Variants in RPRD1B observed in about 807,000 individuals in gnomAD.
RPRD1B encodes the protein regulation of nuclear pre-mRNA domain-containing protein 1B.
RPRD1B carries 11 observed loss-of-function variants against 41.5 expected under a neutral mutation model. The observed-to-expected ratio is 0.27, with a 90% CI of 0.17 to 0.44. The LOEUF is 0.44. RPRD1B is among the 20% of genes least tolerant of loss of function. RPRD1B has a pLI of 1.00. For synonymous variants in RPRD1B, 158 were observed against 155.6 expected, an observed-to-expected ratio of 1.02 and a Z score of -0.12; for missense variants, 248 against 389.9, an observed-to-expected ratio of 0.64 and a Z score of 3.06.
At chr20:38,077,720 A>G (rs1785367324) in intron 6 of RPRD1B, among the ~76,000 whole-genome samples, 1 of 152,040 alleles carries the variant, frequency 6.6e-6, no homozygotes, top group Non-Finnish European at 1.5e-5. Context: ...TCCCCCCTGG[A>G]TCCTTGCAGT....
At chr20:38,056,871 G>T (rs2074247565) in intron 3 of RPRD1B, among the ~76,000 whole-genome samples, 1 of 152,156 alleles carries the variant, frequency 6.6e-6, no homozygotes, top group South Asian at 2.1e-4. Context: ...GATGCAAAAA[G>T]AATGATTTTG....
intron 3 of RPRD1B, among the ~76,000 whole-genome samples, 155 bp from the exon 4 acceptor site, chr20:38,057,377 T>C (rs1375128496): frequency 1.3e-5 from 2 of 152,212 alleles, no homozygotes; most frequent in South Asian, 2.1e-4. Flanking sequence ...GGAACTACAG[T>C]CAATTTAAAA....
intron 6 of RPRD1B, among the ~76,000 whole-genome samples, chr20:38,080,084 T>C (rs2074499617): frequency 6.6e-6 from 1 of 152,252 alleles, no homozygotes. Flanking sequence ...ACTTGCTTAT[T>C]GACTTAAGTT....
At chr20:38,041,532 A>G (rs766473247) in intron 2 of RPRD1B, among the ~76,000 whole-genome samples, 3 of 152,248 alleles carry the variant, frequency 2.0e-5, no homozygotes, top group Admixed American at 6.5e-5. Context: ...TTTGATCAAC[A>G]TGGGCGCAAG....
chr20:38,064,944 C>A (rs1241087183), intron 5 of RPRD1B, among the ~76,000 whole-genome samples: 1 of 151,440 alleles, frequency 6.6e-6, no homozygotes, highest in Non-Finnish European at 1.5e-5. Flanking sequence ...CGAGATCATG[C>A]CACTGCACTC....
intron 6 of RPRD1B, among the ~76,000 whole-genome samples, chr20:38,086,103 C>T (rs1568664292): frequency 6.6e-6 from 1 of 152,124 alleles, no homozygotes; most frequent in Non-Finnish European, 1.5e-5. Flanking sequence ...GCGTGAACCA[C>T]CTTGTCTAGC....
At chr20:38,068,524 T>G (rs2074380886) in intron 6 of RPRD1B, among the ~76,000 whole-genome samples, 1 of 152,146 alleles carries the variant, frequency 6.6e-6, no homozygotes, top group Admixed American at 6.6e-5. Flanking sequence ...CCTGAGTAGC[T>G]GGGATTATAG....
At chr20:38,087,317 T>C (rs1040101514) in intron 6 of RPRD1B, among the ~76,000 whole-genome samples, 4 of 152,198 alleles carry the variant, frequency 2.6e-5, no homozygotes, top group African/African-American at 9.7e-5. Context: ...TAAGGTGGTG[T>C]CTAATTAGAG....
rs892025757 is a variant in RPRD1B, at chr20:38,070,255, T to C, written c.831+3999T>C. 3.0e-6 allele frequency: 3 copies of C among 985,308 alleles called. No individual in the cohort carries two copies. In the African/African-American group the frequency reaches 5.2e-5, roughly 17 times the overall value. 61.0% of individuals were successfully genotyped at this position (985,308 alleles called of 1,614,324 possible). On this transcript the variant is annotated intron_variant, in intron 6 of 6. Transcript: ENST00000373433. ...CATGATTGACTTTGGCCTATGATGT[T>C]GGCCCTTAAACACCAGGCAAGGGTG...
chr20:38,087,792 G>A (rs1430003755), intron 6 of RPRD1B, among the ~76,000 whole-genome samples: 1 of 152,190 alleles, frequency 6.6e-6, no homozygotes, highest in East Asian at 1.9e-4. Flanking sequence ...CGTGAAAGGT[G>A]ACTGTTAACC....
At chr20:38,035,162 T>C (rs931033280) in intron 1 of RPRD1B, among the ~76,000 whole-genome samples, 1 of 152,196 alleles carries the variant, frequency 6.6e-6, no homozygotes, top group Non-Finnish European at 1.5e-5. Context: ...CAGCAGATTA[T>C]GGTGAGATGA....
At position 38,091,418 on chromosome 20, in the gene RPRD1B, T is replaced by C; in HGVS notation, c.*1543T>C. On this transcript the variant is annotated 3_prime_UTR_variant, in exon 7 of 7. Transcript: ENST00000373433. ...GAGAACAATGAAAAGTCATAGCAGA[T>C]ACTCAGTTTAACTCTGTGTAGAACC... 1.0e-6 allele frequency: 1 copy of C among 985,432 alleles called. No homozygotes were observed. The highest frequency in any genetic ancestry group is 1.2e-6 in the Non-Finnish European group (1 of 829,902). 61.0% of individuals were successfully genotyped at this position (985,432 alleles called of 1,614,324 possible).
intron 3 of RPRD1B, among the ~76,000 whole-genome samples, chr20:38,052,271 A>G (rs1256122664): frequency 6.6e-6 from 1 of 152,198 alleles, no homozygotes; most frequent in Non-Finnish European, 1.5e-5. Context: ...GTTTCTATAT[A>G]TGAACTGGTC....
At position 38,092,159 on chromosome 20, in the gene RPRD1B, C is replaced by T. The variant is rs1568667498; in HGVS notation, c.*2284C>T. The T allele has an allele frequency of 3.0e-6, 3 of 985,646 alleles. No homozygotes were observed. In the South Asian group the frequency reaches 1.4e-4, roughly 46 times the overall value. 61.1% of individuals were successfully genotyped at this position (985,646 alleles called of 1,614,324 possible). ...TAGGGCATCTGTAGGCCTCAAAGGA[C>T]CTTTCCTTTAGGTCATATTCCTCAG... is the stretch of plus-strand genomic sequence containing the variant. On this transcript the variant is annotated 3_prime_UTR_variant, in exon 7 of 7. Coordinates refer to ENST00000373433, the MANE Select transcript of RPRD1B (RefSeq NM_021215.4).
At chr20:38,057,450 T>C in intron 3 of RPRD1B, 82 bp from the exon 4 acceptor site, 1 of 907,180 alleles carries the variant, frequency 1.1e-6, no homozygotes, top group Non-Finnish European at 1.8e-6. Context: ...GCCCTGTTTT[T>C]ACATGTGGCC....
At chr20:38,049,018 C>T (rs945727995) in intron 3 of RPRD1B, among the ~76,000 whole-genome samples, 23 of 152,102 alleles carry the variant, frequency 1.5e-4, no homozygotes, top group South Asian at 2.1e-4. Flanking sequence ...GGCGTGATCT[C>T]GGCTCACTGC....
Position 38,091,379 on chromosome 20 carries a change from G to T in RPRD1B, c.*1504G>T. 1 of 985,338 alleles carries T rather than the reference G, an allele frequency of 1.0e-6. No homozygotes were observed. The allele number at this position is 985,338 out of a possible 1,614,324, so 61.0% of individuals were successfully genotyped here. ...GGGCTTCCCTTCCAGAAGCTCTCCT[G>T]CTTGTCATGAAGTGAGAACAATGAA... is the stretch of plus-strand genomic sequence containing the variant. On this transcript the variant is annotated 3_prime_UTR_variant, in exon 7 of 7. Coordinates refer to ENST00000373433, the MANE Select transcript of RPRD1B (RefSeq NM_021215.4).
intron 5 of RPRD1B, 47 bp downstream of exon 5, chr20:38,059,567 C>A (rs748739356): frequency 6.3e-7 from 1 of 1,597,142 alleles, no homozygotes; most frequent in Non-Finnish European, 8.6e-7. Context: ...AGGGACATAA[C>A]TGTAATGCAG....
At chr20:38,072,540 C>T (rs2074422876) in intron 6 of RPRD1B, among the ~76,000 whole-genome samples, 1 of 152,138 alleles carries the variant, frequency 6.6e-6, no homozygotes, top group Non-Finnish European at 1.5e-5. Flanking sequence ...TTTTCCATTT[C>T]TGCAAAAAAG....
Sources: allele counts gnomAD v4.1 joint callset (sites outside exome capture counted in the v4.1 genomes callset), GRCh38; gene constraint gnomAD v4.1.1; transcripts MANE v1.5; gene names NCBI Gene and HGNC (gene_info 2026-07-23, HGNC 2026-07-21).